Variants in FDFT1 observed in about 807,000 individuals in gnomAD.
FDFT1 encodes the protein farnesyl-diphosphate farnesyltransferase 1.
FDFT1 carries 68 observed loss-of-function variants against 46.8 expected under a neutral mutation model. The observed-to-expected ratio is 1.45, with a 90% CI of 1.19 to 1.78. The LOEUF (loss-of-function observed/expected upper bound fraction) is 1.78. Among genes scored for constraint, FDFT1 ranks in the 40% most tolerant of loss-of-function variants. The pLI, the probability that FDFT1 is intolerant of heterozygous loss-of-function variation, is 0.00. For synonymous variants in FDFT1, 351 were observed against 185.1 expected (o/e 1.90, Z -7.28); for missense variants, 928 against 524.4 (o/e 1.77, Z -7.52).
exon 1 of FDFT1, chr8:11,795,858 C>G (rs1008085617): frequency 5.9e-5 from 9 of 152,900 alleles, no homozygotes; most frequent in African/African-American, 2.2e-4. Context: ...GGAAGAAACT[C>G]CGAACACATC....
At chr8:11,818,008 A>G (rs151270183) in intron 3 of FDFT1, among the ~76,000 whole-genome samples, 2,072 of 152,198 alleles carry the variant, frequency 0.014, 47 homozygotes, top group African/African-American at 0.048. Context: ...AGTGCTATAA[A>G]TTTCCCTCTA....
upstream of FDFT1, among the ~76,000 whole-genome samples, chr8:11,801,398 C>T (rs1806104771): frequency 1.3e-5 from 2 of 152,240 alleles, no homozygotes; most frequent in African/African-American, 2.4e-5. Context: ...CAGCTCACTG[C>T]AACCTCTGCC....
chr8:11,809,756 T>TG lies in FDFT1; in HGVS notation c.288dup (p.Leu97ValfsTer35). 6.2e-7 allele frequency: 1 copy of TG among 1,614,206 alleles called. No individual in the cohort carries two copies. Among genetic ancestry groups the TG allele is most frequent in the Non-Finnish European group, 8.5e-7 (1 of 1,180,008 alleles). ...ATCAGTGTGGAAAAGAAGGTCCCGC[T>TG]GTTACACAACTTTCACTCTTTCCTT... On this transcript the variant is annotated frameshift_variant, in exon 3 of 8. Coordinates refer to ENST00000220584, the MANE Select transcript of FDFT1 (RefSeq NM_004462.5). LOFTEE classifies it high-confidence loss of function.
chr8:11,810,183 A>G (rs1045069982), intron 3 of FDFT1, among the ~76,000 whole-genome samples: 1 of 151,646 alleles, frequency 6.6e-6, no homozygotes, highest in East Asian at 1.9e-4. Flanking sequence ...AATGTTAGCT[A>G]CTGCTGTTAT....
At chr8:11,796,307 T>A (rs1253696504) in intron 1 of FDFT1, among the ~76,000 whole-genome samples, 1 of 152,210 alleles carries the variant, frequency 6.6e-6, no homozygotes, top group East Asian at 1.9e-4. Context: ...GATTACGCTG[T>A]AAACACTCCG....
chr8:11,808,603 C>T (rs1230723814), intron 1 of FDFT1, 191 bp from the exon 2 acceptor site: 1 of 1,391,660 alleles, frequency 7.2e-7, no homozygotes, highest in Non-Finnish European at 9.3e-7. Flanking sequence ...CCCAGGGGCC[C>T]GGGCGCAGGC....
intron 3 of FDFT1, among the ~76,000 whole-genome samples, chr8:11,810,585 T>A (rs898532721): frequency 2.6e-5 from 4 of 152,190 alleles, no homozygotes; most frequent in South Asian, 4.1e-4. Context: ...TGGTCTATTT[T>A]GTTGGAGTAA....
chr8:11,829,605 G>C (rs1347287210), intron 5 of FDFT1, among the ~76,000 whole-genome samples: 1 of 151,990 alleles, frequency 6.6e-6, no homozygotes, highest in Non-Finnish European at 1.5e-5. Context: ...ATTTTTTTCA[G>C]AAGTAGGCCA....
chr8:11,813,644 T>G (rs1808035300), intron 3 of FDFT1, among the ~76,000 whole-genome samples: 1 of 152,232 alleles, frequency 6.6e-6, no homozygotes, highest in African/African-American at 2.4e-5. Flanking sequence ...GGAATTTGTA[T>G]CTGTATTCCC....
At chr8:11,805,662 AGT>A (rs1563295715) in intron 1 of FDFT1, among the ~76,000 whole-genome samples, 73,708 of 151,614 alleles carry the variant, frequency 0.49, 20,141 homozygotes, top group South Asian at 0.67. Flanking sequence ...GAATTTTTTG[AGT>A]GTTTGGCTCA....
intron 3 of FDFT1, among the ~76,000 whole-genome samples, chr8:11,814,038 C>T (rs1808101306): frequency 6.6e-6 from 1 of 152,178 alleles, no homozygotes; most frequent in South Asian, 2.1e-4. Flanking sequence ...AGGTGAAGTT[C>T]AGAAGTGAAA....
At chr8:11,798,631 G>A (rs577741077), upstream of FDFT1, among the ~76,000 whole-genome samples, 1 of 152,332 alleles carries the variant, frequency 6.6e-6, no homozygotes, top group South Asian at 2.1e-4. Context: ...CACAGGAGAA[G>A]CAGATTTAAT....
chr8:11,806,032 C>A (rs185521016), intron 1 of FDFT1, among the ~76,000 whole-genome samples: 2 of 151,906 alleles, frequency 1.3e-5, no homozygotes, highest in Admixed American at 6.6e-5. Flanking sequence ...GGTTTTTTTC[C>A]CCTCCTGGAG....
intron 7 of FDFT1, among the ~76,000 whole-genome samples, chr8:11,832,103 G>GA (rs1810884975): frequency 6.6e-6 from 1 of 152,124 alleles, no homozygotes. Context: ...GGCCTCAATT[G>GA]AAAAATCACA....
At chr8:11,814,558 C>T (rs1256692303) in intron 3 of FDFT1, among the ~76,000 whole-genome samples, 3 of 152,198 alleles carry the variant, frequency 2.0e-5, no homozygotes, top group East Asian at 1.9e-4. Flanking sequence ...TGTTTTAAGA[C>T]TTCCCATGGT....
intron 1 of FDFT1, chr8:11,803,165 G>C (rs1164690999): frequency 1.4e-6 from 2 of 1,421,860 alleles, no homozygotes; most frequent in Non-Finnish European, 1.8e-6. Flanking sequence ...AGCGACTTTT[G>C]CGTGGTTCCC....
intron 3 of FDFT1, among the ~76,000 whole-genome samples, chr8:11,812,306 T>G (rs1740256169): frequency 6.6e-6 from 1 of 152,186 alleles, no homozygotes; most frequent in African/African-American, 2.4e-5. Context: ...GTCCATCTCC[T>G]CCAGGTGGGA....
chr8:11,800,541 A>T (rs1243245850), upstream of FDFT1, among the ~76,000 whole-genome samples: 1 of 152,184 alleles, frequency 6.6e-6, no homozygotes, highest in African/African-American at 2.4e-5. Flanking sequence ...GAACAAAGGA[A>T]GGAGGAAGTA....
At chr8:11,811,804 G>A (rs759986351) in intron 3 of FDFT1, among the ~76,000 whole-genome samples, 1 of 152,246 alleles carries the variant, frequency 6.6e-6, no homozygotes, top group Non-Finnish European at 1.5e-5. Flanking sequence ...CGAATATGAA[G>A]ATGTACTAAG....
Sources: allele counts gnomAD v4.1 joint callset (sites outside exome capture counted in the v4.1 genomes callset), GRCh38; gene constraint gnomAD v4.1.1; transcripts MANE v1.5; gene names NCBI Gene and HGNC (gene_info 2026-07-23, HGNC 2026-07-21).